The following POPDC1 variants were observed in gnomAD, a reference collection of about 807,000 sequenced individuals.
The protein encoded by POPDC1 is popeye domain-containing protein 1.
the POPDC1 span, among the ~76,000 whole-genome samples, chr6:105,103,462 T>C: frequency 6.6e-6 from 1 of 151,818 alleles, no homozygotes; most frequent in African/African-American, 2.4e-5. Flanking sequence ...TGTGGCAAAA[T>C]TGTCTTTAAA....
the POPDC1 span, among the ~76,000 whole-genome samples, chr6:105,102,511 G>A: frequency 6.6e-6 from 1 of 152,202 alleles, no homozygotes. Context: ...CCCTGGTATG[G>A]CACAGGGGGA....
the POPDC1 span, among the ~76,000 whole-genome samples, chr6:105,123,662 A>T: frequency 5.9e-5 from 9 of 152,128 alleles, no homozygotes; most frequent in African/African-American, 2.2e-4. Flanking sequence ...AGCCTCCCAA[A>T]ATTACAGGTG....
chr6:105,114,516 G>C, the POPDC1 span, among the ~76,000 whole-genome samples: 1 of 152,090 alleles, frequency 6.6e-6, no homozygotes, highest in Non-Finnish European at 1.5e-5. Context: ...AAGAATTGTT[G>C]AATGTGTTTG....
the POPDC1 span, chr6:105,125,589 G>T: frequency 1.9e-6 from 3 of 1,613,136 alleles, no homozygotes; most frequent in African/African-American, 4.0e-5. Context: ...CTGAAATGCA[G>T]CAATGACTAG....
chr6:105,110,716 C>T, the POPDC1 span, among the ~76,000 whole-genome samples: 3 of 151,842 alleles, frequency 2.0e-5, no homozygotes, highest in Admixed American at 6.6e-5. Context: ...CAGGGTCTCA[C>T]GCTTTCACCC....
chr6:105,110,054 G>C, the POPDC1 span, among the ~76,000 whole-genome samples: 1 of 152,160 alleles, frequency 6.6e-6, no homozygotes, highest in African/African-American at 2.4e-5. Context: ...TGTGAGGACA[G>C]AGGCCCCCTC....
chr6:105,129,573 T>C, the POPDC1 span: 4 of 1,465,532 alleles, frequency 2.7e-6, no homozygotes, highest in Non-Finnish European at 3.7e-6. Flanking sequence ...ATAAATTTGA[T>C]ATCCTCTATA....
chr6:105,130,235 A>G, the POPDC1 span, among the ~76,000 whole-genome samples: 285 of 152,284 alleles, frequency 1.9e-3, 1 homozygote, highest in Middle Eastern at 6.8e-3. Context: ...GACTTATTCC[A>G]GTGATTTTCC....
chr6:105,105,342 G>A, the POPDC1 span, among the ~76,000 whole-genome samples: 1 of 152,216 alleles, frequency 6.6e-6, no homozygotes, highest in Non-Finnish European at 1.5e-5. Flanking sequence ...ATCACGGAGA[G>A]TGTCCACTCT....
chr6:105,112,920 G>A, the POPDC1 span, among the ~76,000 whole-genome samples: 2 of 131,160 alleles, frequency 1.5e-5, no homozygotes, highest in African/African-American at 2.8e-5. Flanking sequence ...CTACAAGCAT[G>A]AGCTTTTGTT....
At chr6:105,134,421 T>G in the POPDC1 span, among the ~76,000 whole-genome samples, 52 of 152,138 alleles carry the variant, frequency 3.4e-4, 1 homozygote, top group African/African-American at 1.1e-3. Context: ...TCTCCGGTCC[T>G]TAAAAAACAC....
At chr6:105,106,458 C>T in the POPDC1 span, among the ~76,000 whole-genome samples, 2 of 152,316 alleles carry the variant, frequency 1.3e-5, no homozygotes, top group East Asian at 1.9e-4. Context: ...TGAGCACATG[C>T]GGAAGACTGG....
At chr6:105,127,378 C>T in the POPDC1 span, among the ~76,000 whole-genome samples, 1 of 152,132 alleles carries the variant, frequency 6.6e-6, no homozygotes, top group African/African-American at 2.4e-5. Context: ...TCCTCTACTC[C>T]AAAGCTCTAT....
At chr6:105,124,385 C>CAAAAAAAAAA in the POPDC1 span, among the ~76,000 whole-genome samples, 12 of 81,778 alleles carry the variant, frequency 1.5e-4, no homozygotes, top group Non-Finnish European at 2.0e-4. Flanking sequence ...CCGTCTCAAA[C>CAAAAAAAAAA]AAAAAAAAAA....
At chr6:105,130,805 A>G in the POPDC1 span, among the ~76,000 whole-genome samples, 5 of 152,184 alleles carry the variant, frequency 3.3e-5, no homozygotes, top group African/African-American at 1.2e-4. Context: ...AACATGTGGT[A>G]CTATATTATG....
chr6:105,113,538 T>C, the POPDC1 span, among the ~76,000 whole-genome samples: 1 of 152,174 alleles, frequency 6.6e-6, no homozygotes, highest in South Asian at 2.1e-4. Context: ...AGCAGGAGCT[T>C]TAACAGCCAG....
the POPDC1 span, among the ~76,000 whole-genome samples, chr6:105,132,912 A>AAT: frequency 1.3e-5 from 2 of 152,194 alleles, no homozygotes; most frequent in East Asian, 3.8e-4. Flanking sequence ...TTCCAAGTTA[A>AAT]ATATATATAT....
the POPDC1 span, among the ~76,000 whole-genome samples, chr6:105,111,260 G>A: frequency 1.3e-5 from 2 of 152,142 alleles, no homozygotes; most frequent in Admixed American, 6.6e-5. Flanking sequence ...GGAAACATAT[G>A]TCTTCCTGTT....
At chr6:105,111,844 T>G in the POPDC1 span, among the ~76,000 whole-genome samples, 1 of 152,240 alleles carries the variant, frequency 6.6e-6, no homozygotes, top group African/African-American at 2.4e-5. Context: ...TATTTCTGTT[T>G]CACTGAACAT....
Sources: allele counts gnomAD v4.1 joint callset (sites outside exome capture counted in the v4.1 genomes callset), GRCh38; gene constraint gnomAD v4.1.1; transcripts MANE v1.5; gene names NCBI Gene and HGNC (gene_info 2026-07-23, HGNC 2026-07-21).